VCF1: variants seen among roughly 807,000 people sequenced by gnomAD.
VCF1 encodes VCP nuclear cofactor family member 1.
chr17:73,208,083 C>T, the VCF1 span: 1 of 1,424,208 alleles, frequency 7.0e-7, no homozygotes, highest in South Asian at 1.5e-5. Context: ...TGTGTCTACC[C>T]TTTTCCCAAG....
At chr17:73,213,575 G>A in the VCF1 span, among the ~76,000 whole-genome samples, 1 of 152,118 alleles carries the variant, frequency 6.6e-6, no homozygotes, top group African/African-American at 2.4e-5. Flanking sequence ...AAATATTTAC[G>A]ATTTGGATCT....
At chr17:73,222,399 T>C in the VCF1 span, among the ~76,000 whole-genome samples, 1 of 152,050 alleles carries the variant, frequency 6.6e-6, no homozygotes, top group African/African-American at 2.4e-5. Flanking sequence ...GCTTTATAGC[T>C]AAGATCATAT....
the VCF1 span, chr17:73,232,261 G>C: frequency 1.2e-6 from 2 of 1,609,660 alleles, no homozygotes; most frequent in Non-Finnish European, 1.7e-6. Flanking sequence ...CCCTCAGTCG[G>C]ACCCGTACCA....
chr17:73,211,399 T>C, the VCF1 span, among the ~76,000 whole-genome samples: 1 of 151,860 alleles, frequency 6.6e-6, no homozygotes, highest in African/African-American at 2.4e-5. Context: ...TGAAACCCCG[T>C]ATCAATTAAA....
At chr17:73,208,892 T>C in the VCF1 span, 1 of 291,444 alleles carries the variant, frequency 3.4e-6, no homozygotes, top group Non-Finnish European at 6.7e-6. Context: ...CTAAAAGACA[T>C]TCTCTCTGGA....
the VCF1 span, among the ~76,000 whole-genome samples, chr17:73,216,844 G>A: frequency 1.3e-5 from 2 of 152,256 alleles, no homozygotes; most frequent in South Asian, 2.1e-4. Context: ...TTTTTCCAGT[G>A]TGCAAAGTCA....
the VCF1 span, among the ~76,000 whole-genome samples, chr17:73,210,435 C>T: frequency 6.7e-6 from 1 of 150,138 alleles, no homozygotes; most frequent in African/African-American, 2.5e-5. Context: ...TTTTAGTCAT[C>T]TTGGAGAGGC....
chr17:73,215,034 C>T, the VCF1 span, among the ~76,000 whole-genome samples: 88,179 of 152,118 alleles, frequency 0.58, 25,734 homozygotes, highest in Non-Finnish European at 0.62. Context: ...AATAAAGCTG[C>T]GTGTGATCTG....
At chr17:73,227,464 C>T in the VCF1 span, among the ~76,000 whole-genome samples, 5 of 152,152 alleles carry the variant, frequency 3.3e-5, no homozygotes, top group Admixed American at 1.3e-4. Context: ...ACAGCAGCAG[C>T]GAGGTCAAGC....
chr17:73,212,698 CTCTTAG>C, the VCF1 span: 4 of 1,596,300 alleles, frequency 2.5e-6, no homozygotes, highest in East Asian at 6.7e-5. Context: ...GCTTTGTTTC[CTCTTAG>C]TCTGTTTTCT....
chr17:73,213,919 G>A, the VCF1 span, among the ~76,000 whole-genome samples: 969 of 152,230 alleles, frequency 6.4e-3, 8 homozygotes, highest in African/African-American at 0.023. Flanking sequence ...GTACTGAGCC[G>A]AGATGGCACC....
At chr17:73,216,153 C>A in the VCF1 span, among the ~76,000 whole-genome samples, 67,539 of 151,710 alleles carry the variant, frequency 0.45, 16,043 homozygotes, top group East Asian at 0.6. Context: ...GAAAGCAGAG[C>A]CCTACTGGGA....
the VCF1 span, among the ~76,000 whole-genome samples, chr17:73,213,032 T>C: frequency 6.6e-6 from 1 of 151,890 alleles, no homozygotes; most frequent in Non-Finnish European, 1.5e-5. Flanking sequence ...GATCATGAGG[T>C]CAAGAGATCG....
At chr17:73,231,235 G>A in the VCF1 span, among the ~76,000 whole-genome samples, 94 of 152,300 alleles carry the variant, frequency 6.2e-4, no homozygotes, top group African/African-American at 2.2e-3. Flanking sequence ...TTATTTCAGA[G>A]AAGGATCCTT....
chr17:73,215,981 G>A, the VCF1 span, among the ~76,000 whole-genome samples: 702 of 152,260 alleles, frequency 4.6e-3, 9 homozygotes, highest in Middle Eastern at 0.014. Context: ...CCCTTGACAG[G>A]AGTGAGTGAG....
chr17:73,210,226 A>G, the VCF1 span, among the ~76,000 whole-genome samples: 3 of 152,226 alleles, frequency 2.0e-5, no homozygotes, highest in Non-Finnish European at 4.4e-5. Context: ...AGCGAAGATA[A>G]AAACTAAAAG....
the VCF1 span, among the ~76,000 whole-genome samples, chr17:73,224,960 GACAGC>G: frequency 0.082 from 3,855 of 47,158 alleles, 257 homozygotes; most frequent in Middle Eastern, 0.11. Flanking sequence ...CACAGGACAG[GACAGC>G]ACAGCACAGC....
chr17:73,227,361 C>A, the VCF1 span: 2 of 1,052,218 alleles, frequency 1.9e-6, no homozygotes, highest in East Asian at 2.6e-5. Context: ...AATTTGCCCT[C>A]TGGCCTGAGA....
chr17:73,213,283 G>A, the VCF1 span, among the ~76,000 whole-genome samples: 1 of 151,488 alleles, frequency 6.6e-6, no homozygotes, highest in Admixed American at 6.6e-5. Flanking sequence ...TGTTTATAAT[G>A]GCTAAAAATT....
Sources: allele counts gnomAD v4.1 joint callset (sites outside exome capture counted in the v4.1 genomes callset), GRCh38; gene constraint gnomAD v4.1.1; transcripts MANE v1.5; gene names NCBI Gene and HGNC (gene_info 2026-07-23, HGNC 2026-07-21).